Variants in ALCAM observed in about 807,000 individuals in gnomAD.
The protein encoded by ALCAM is CD166 antigen.
ALCAM carries 30 observed loss-of-function variants against 70.9 expected under a neutral mutation model. The ratio of observed to expected loss-of-function variants is 0.42; its 90% CI spans 0.32 to 0.57. The LOEUF (loss-of-function observed/expected upper bound fraction) is 0.57. Ranked by LOEUF, ALCAM falls within the 20% of genes least tolerant of loss-of-function variation. The probability of loss-of-function intolerance (pLI) is 0.11; values close to 1 mark genes in which losing one functional copy is unlikely to be tolerated. For synonymous variants in ALCAM, 249 were observed against 242.5 expected, an observed-to-expected ratio of 1.03 and a Z score of -0.25; for missense variants, 591 against 695.1, an observed-to-expected ratio of 0.85 and a Z score of 1.68.
intron 1 of ALCAM, among the ~76,000 whole-genome samples, chr3:105,375,735 T>G (rs1935358420): frequency 6.6e-6 from 1 of 152,178 alleles, no homozygotes. Flanking sequence ...GATTTCTCAG[T>G]AATCACACTA....
chr3:105,379,959 A>G (rs760707098), intron 1 of ALCAM, among the ~76,000 whole-genome samples: 2 of 151,794 alleles, frequency 1.3e-5, no homozygotes, highest in Non-Finnish European at 3.0e-5. Context: ...CTCTTGAGAA[A>G]CATACTTTAA....
intron 2 of ALCAM, among the ~76,000 whole-genome samples, chr3:105,522,336 A>C (rs1939565260): frequency 6.6e-6 from 1 of 152,242 alleles, no homozygotes; most frequent in South Asian, 2.1e-4. Context: ...TTAGTTAAGC[A>C]AAAGGCTTCA....
At chr3:105,532,147 A>T in intron 4 of ALCAM, 81 bp downstream of exon 4, 1 of 1,205,524 alleles carries the variant, frequency 8.3e-7, no homozygotes, top group Non-Finnish European at 1.2e-6. Flanking sequence ...CAAGACAAGT[A>T]AGAAAGGCTT....
chr3:105,446,597 A>G (rs1937303831), intron 1 of ALCAM, among the ~76,000 whole-genome samples: 1 of 140,948 alleles, frequency 7.1e-6, no homozygotes, highest in East Asian at 2.1e-4. Flanking sequence ...GAATGGATAA[A>G]GGAAATTTGG....
At chr3:105,467,166 G>A (rs1371562928) in intron 1 of ALCAM, among the ~76,000 whole-genome samples, 1 of 151,304 alleles carries the variant, frequency 6.6e-6, no homozygotes, top group South Asian at 2.1e-4. Flanking sequence ...AGTATGAAAA[G>A]TGCCTAGAAA....
intron 1 of ALCAM, among the ~76,000 whole-genome samples, chr3:105,467,386 T>C (rs1190671823): frequency 6.6e-6 from 1 of 151,192 alleles, no homozygotes; most frequent in Admixed American, 6.6e-5. Context: ...TGGATTGATC[T>C]TCTTTAACCT....
At chr3:105,549,596 G>A (rs1940342847) in intron 11 of ALCAM, among the ~76,000 whole-genome samples, 1 of 151,300 alleles carries the variant, frequency 6.6e-6, no homozygotes, top group Non-Finnish European at 1.5e-5. Flanking sequence ...CAGAGGGACA[G>A]CAATCACTGA....
At chr3:105,511,555 C>A (rs1939237174) in intron 1 of ALCAM, among the ~76,000 whole-genome samples, 1 of 151,954 alleles carries the variant, frequency 6.6e-6, no homozygotes, top group Non-Finnish European at 1.5e-5. Context: ...GCAACCCCTC[C>A]AGGGAGCTGT....
intron 1 of ALCAM, among the ~76,000 whole-genome samples, chr3:105,457,725 CAG>C (rs1209038705): frequency 6.6e-6 from 1 of 152,078 alleles, no homozygotes; most frequent in African/African-American, 2.4e-5. Flanking sequence ...GCCCCCAAAA[CAG>C]GGAGATGTCA....
intron 6 of ALCAM, among the ~76,000 whole-genome samples, 156 bp from the exon 7 acceptor site, chr3:105,539,819 C>G (rs1940070572): frequency 6.6e-6 from 1 of 152,030 alleles, no homozygotes; most frequent in Admixed American, 6.6e-5. Flanking sequence ...TAGCAAGTAG[C>G]TATTAGCTTC....
intron 3 of ALCAM, among the ~76,000 whole-genome samples, chr3:105,526,751 C>T (rs1173726896): frequency 2.0e-5 from 3 of 152,136 alleles, no homozygotes; most frequent in Non-Finnish European, 4.4e-5. Context: ...CTTTGGGTCA[C>T]TTTCTGTGAA....
chr3:105,370,828 A>G (rs1254036796), intron 1 of ALCAM, among the ~76,000 whole-genome samples: 2 of 152,112 alleles, frequency 1.3e-5, no homozygotes, highest in East Asian at 1.9e-4. Flanking sequence ...AAGCCCTGCT[A>G]GTGTAACTCA....
At chr3:105,444,061 G>A (rs533646561) in intron 1 of ALCAM, among the ~76,000 whole-genome samples, 5 of 152,200 alleles carry the variant, frequency 3.3e-5, no homozygotes, top group South Asian at 2.1e-4. Context: ...AAAATGCATG[G>A]TATGTCCATC....
intron 3 of ALCAM, among the ~76,000 whole-genome samples, chr3:105,530,173 C>T (rs1435670992): frequency 2.0e-5 from 3 of 152,072 alleles, no homozygotes; most frequent in Non-Finnish European, 4.4e-5. Flanking sequence ...AAAACTTTGA[C>T]TTACTTACAC....
At chr3:105,389,744 C>T (rs983221118) in intron 1 of ALCAM, among the ~76,000 whole-genome samples, 1 of 150,150 alleles carries the variant, frequency 6.7e-6, no homozygotes, top group African/African-American at 2.4e-5. Context: ...CTCCCCCCTA[C>T]CCCCTCAACA....
intron 1 of ALCAM, among the ~76,000 whole-genome samples, chr3:105,412,042 A>G (rs1367313151): frequency 6.6e-6 from 1 of 152,102 alleles, no homozygotes. Context: ...GAAGGAGGAA[A>G]TAGAATCTTT....
intron 1 of ALCAM, among the ~76,000 whole-genome samples, chr3:105,504,748 A>G (rs1442458915): frequency 1.3e-5 from 2 of 152,168 alleles, no homozygotes; most frequent in African/African-American, 4.8e-5. Context: ...ATGGCAGGCC[A>G]GGGTGGTCTT....
intron 1 of ALCAM, among the ~76,000 whole-genome samples, chr3:105,497,069 T>G (rs1938765808): frequency 6.6e-6 from 1 of 152,230 alleles, no homozygotes; most frequent in South Asian, 2.1e-4. Flanking sequence ...GAATAGAAAG[T>G]TTATGGTACC....
At chr3:105,478,030 C>A (rs1443453175) in intron 1 of ALCAM, among the ~76,000 whole-genome samples, 2 of 151,984 alleles carry the variant, frequency 1.3e-5, no homozygotes, top group African/African-American at 4.8e-5. Flanking sequence ...TGAGCTAATT[C>A]TAACATCTGT....
Sources: gnomAD v4.1 joint callset for allele counts (sites outside exome capture counted in the v4.1 genomes callset) on GRCh38, gnomAD v4.1.1 for gene constraint, MANE v1.5 for transcripts, NCBI Gene and HGNC (gene_info 2026-07-23, HGNC 2026-07-21) for gene names.